Variants in TRIT1 observed in about 807,000 individuals in gnomAD.
TRIT1 encodes tRNA isopentenyltransferase 1.
Under a neutral mutation model 51.2 loss-of-function variants are expected in TRIT1, and 43 were observed. The ratio of observed to expected loss-of-function variants is 0.84; its 90% confidence interval spans 0.66 to 1.08. TRIT1 has a LOEUF of 1.08. Among genes scored for constraint, TRIT1 ranks in the 50% least tolerant of loss-of-function variants. TRIT1 has a pLI of 0.00. For synonymous variants in TRIT1, 184 were observed against 203.9 expected, an observed-to-expected ratio of 0.90 and a Z score of 0.83; for missense variants, 528 against 578.4, an observed-to-expected ratio of 0.91 and a Z score of 0.89.
At chr1:39,867,031 T>A in intron 1 of TRIT1, among the ~76,000 whole-genome samples, 1 of 152,156 alleles carries the variant, frequency 6.6e-6, no homozygotes, top group Non-Finnish European at 1.5e-5. Flanking sequence ...ATCTGTTGAG[T>A]CAGTGTGATG....
At chr1:39,881,265 C>A (rs922824332) in intron 1 of TRIT1, among the ~76,000 whole-genome samples, 38 of 150,024 alleles carry the variant, frequency 2.5e-4, no homozygotes, top group African/African-American at 8.8e-4. Flanking sequence ...AATGATAGAA[C>A]ATAAATATTG....
rs768460327 is a variant in TRIT1, at chr1:39,883,474, A to G, written c.18T>C (p.Ala6=). 4.4e-6 allele frequency: 7 copies of G among 1,595,948 alleles called. No individual in the cohort carries two copies. The East Asian group carries it at 1.4e-4, about 31-fold the overall frequency. Residue 6 remains alanine (A), a synonymous_variant, in exon 1 of 11, where the codon GCT becomes GCC. Transcript: ENST00000316891. ...CACTGCCCACGGGAACTGCTCGTGC[A>G]GCCGCCACGGACGCCATCTTATGGC... MASVA[A]ARAVPVGSGL...
chr1:39,843,660 C>G (rs1642054283), intron 10 of TRIT1, among the ~76,000 whole-genome samples: 1 of 152,186 alleles, frequency 6.6e-6, no homozygotes, highest in South Asian at 2.1e-4. Context: ...AAACCACACT[C>G]AGGAGTAGTA....
rs879200535 is a variant in TRIT1, at chr1:39,841,863, A to G, written c.1285T>C (p.Leu429=). ...ATGGTGTTGACAGCATCTGAGTCCA[A>G]TCTTCTTCTTTTCTTCAGTTGGTTC... ...HLNQLKKRRR[L]DSDAVNTIES... The change falls in exon 11 of 11, where the codon TTG becomes CTG. Residue 429 remains leucine, a synonymous_variant. Coordinates refer to ENST00000316891, the MANE Select transcript of TRIT1 (RefSeq NM_017646.6). 3.7e-6 allele frequency: 6 copies of G among 1,613,936 alleles called. No homozygotes were observed. The highest frequency in any genetic ancestry group is 5.1e-6 in the Non-Finnish European group (6 of 1,179,972).
At chr1:39,845,653 T>C (rs1471805018) in intron 8 of TRIT1, among the ~76,000 whole-genome samples, 1 of 152,176 alleles carries the variant, frequency 6.6e-6, no homozygotes, top group East Asian at 1.9e-4. Context: ...CACTCTACAT[T>C]TTCCTTTCTC....
At chr1:39,879,869 T>C (rs191959799) in intron 1 of TRIT1, among the ~76,000 whole-genome samples, 1 of 77,094 alleles carries the variant, frequency 1.3e-5, no homozygotes, top group Admixed American at 1.8e-4. Context: ...CGAAACTCCA[T>C]CTCAAAAAAA....
intron 1 of TRIT1, among the ~76,000 whole-genome samples, chr1:39,861,192 G>C (rs1643221958): frequency 6.6e-6 from 1 of 152,184 alleles, no homozygotes; most frequent in African/African-American, 2.4e-5. Flanking sequence ...CTTGTGCATT[G>C]ATGAGGGGCA....
At chr1:39,850,871 T>C (rs1190984990) in intron 4 of TRIT1, among the ~76,000 whole-genome samples, 3 of 152,210 alleles carry the variant, frequency 2.0e-5, no homozygotes, top group Non-Finnish European at 4.4e-5. Context: ...ATATGTCAAA[T>C]TAATGAAGAA....
intron 1 of TRIT1, among the ~76,000 whole-genome samples, chr1:39,871,538 C>G (rs146988955): frequency 3.3e-4 from 51 of 152,282 alleles, no homozygotes; most frequent in African/African-American, 1.1e-3. Flanking sequence ...CGAGATGGCG[C>G]CACTGCACCC....
In TRIT1 at chr1:39,855,745, GA is replaced by G. The variant is rs1000996492; in HGVS notation, c.315+1531del. ...CCAGAAGAGGAGAGAGTGGAAAGAG[GA>G]AAGAAGATGGGATAGGACATACTTC... is the stretch of plus-strand genomic sequence containing the variant. On this transcript the variant is annotated intron_variant, in intron 2 of 10. Transcript: ENST00000316891. 7.2e-4 allele frequency among the ~76,000 whole-genome samples: 110 copies of G among 152,304 alleles called. 1 individual carries two copies. The highest frequency in any genetic ancestry group is 1.3e-4 in the Non-Finnish European group (9 of 68,032).
In TRIT1 at chr1:39,850,119, C is replaced by T. The variant is rs376976423; in HGVS notation, c.703G>A (p.Val235Ile). The change falls in exon 5 of 11, where the codon GTT (valine) becomes ATT (isoleucine). Residue 235 changes from valine to isoleucine, a missense_variant and splice_region_variant. This residue lies in a region of TRIT1 where 468 missense variants were observed against 522.6 expected (regional missense o/e 0.90). Transcript: ENST00000316891. ...CILWLHADQAVLDERLDKRVD... is the reference protein window; with the variant it reads ...CILWLHADQAILDERLDKRVD... The stretch of plus-strand genomic sequence containing the variant: ...CTCTAGGGCATCAAAGGGCTGTTAC[C>T]TGCCTGGTCAGCATGAAGCCAAAGG... 1 of 1,613,980 alleles carries T rather than the reference C, an allele frequency of 6.2e-7. No homozygotes were observed. The highest frequency in any genetic ancestry group is 1.3e-5 in the African/African-American group (1 of 74,916).
At chr1:39,848,342 A>G (rs934366048) in intron 5 of TRIT1, among the ~76,000 whole-genome samples, 1 of 152,168 alleles carries the variant, frequency 6.6e-6, no homozygotes, top group Non-Finnish European at 1.5e-5. Flanking sequence ...AAAGCATACA[A>G]TTACAGCAAC....
At chr1:39,883,297 G>C in intron 1 of TRIT1, 21 bp downstream of exon 1, 1 of 1,590,474 alleles carries the variant, frequency 6.3e-7, no homozygotes. Flanking sequence ...CCAGGCGCCC[G>C]GGCCAGCCGC....
At chr1:39,847,407 A>C (rs777589831) in intron 7 of TRIT1, 110 bp from the exon 8 acceptor site, 14 of 1,432,228 alleles carry the variant, frequency 9.8e-6, no homozygotes, top group Non-Finnish European at 1.3e-5. Context: ...GTGCAATGTC[A>C]GACTTGGTGG....
Position 39,844,088 on chromosome 1 carries a change from C to G in TRIT1, c.1234+13G>C. 1.3e-6 allele frequency: 2 copies of G among 1,595,774 alleles called. No homozygotes were observed. Among genetic ancestry groups the G allele is most frequent in the Middle Eastern group, 3.3e-4 (2 of 6,030 alleles). On this transcript the variant is annotated intron_variant, in intron 10 of 10. Coordinates refer to ENST00000316891, the MANE Select transcript of TRIT1 (RefSeq NM_017646.6). ...CCCTTATAGATTTCTTCATGCCCCT[C>G]CCCATACTCTACCTGCCCATTCGCG...
chr1:39,870,946 C>G (rs1643862099), intron 1 of TRIT1, among the ~76,000 whole-genome samples: 1 of 152,206 alleles, frequency 6.6e-6, no homozygotes, highest in Admixed American at 6.5e-5. Flanking sequence ...GTAATCCCAG[C>G]ACTTTAGGAG....
chr1:39,853,529 G>C (rs922292683), intron 3 of TRIT1, among the ~76,000 whole-genome samples: 9 of 151,988 alleles, frequency 5.9e-5, no homozygotes, highest in African/African-American at 1.5e-4. Flanking sequence ...CCTAGTAGCT[G>C]GGATTACAGG....
At chr1:39,880,102 G>A (rs1028061119) in intron 1 of TRIT1, among the ~76,000 whole-genome samples, 7 of 151,818 alleles carry the variant, frequency 4.6e-5, no homozygotes, top group Admixed American at 3.9e-4. Flanking sequence ...TGGAATCCTG[G>A]AGGCGGAGGT....
chr1:39,882,985 C>T (rs1644309961), intron 1 of TRIT1, among the ~76,000 whole-genome samples: 1 of 152,196 alleles, frequency 6.6e-6, no homozygotes, highest in Admixed American at 6.5e-5. Context: ...ACCTATCTGT[C>T]GACCTTGTAG....
Sources: allele counts gnomAD v4.1 joint callset (sites outside exome capture counted in the v4.1 genomes callset), GRCh38; gene constraint gnomAD v4.1.1; regional missense constraint gnomAD v4.1.1; transcripts MANE v1.5; gene names NCBI Gene and HGNC (gene_info 2026-07-23, HGNC 2026-07-21).